INPP4B: variants seen among roughly 807,000 people sequenced by gnomAD.
INPP4B encodes inositol polyphosphate 4-phosphatase type II.
INPP4B carries 55 observed loss-of-function variants against 122.5 expected under a neutral mutation model. The observed-to-expected ratio is 0.45, with a 90% confidence interval of 0.36 to 0.56. The LOEUF (loss-of-function observed/expected upper bound fraction) is 0.56, where lower values mean the gene tolerates loss of function less well. Ranked by LOEUF, INPP4B falls within the 20% of genes least tolerant of loss-of-function variation. The probability of loss-of-function intolerance (pLI) is 0.00; values close to 1 mark genes in which losing one functional copy is unlikely to be tolerated. For synonymous variants in INPP4B, 403 were observed against 388.7 expected (o/e 1.04, Z -0.43); for missense variants, 1,000 against 1,097.7 (o/e 0.91, Z 1.26).
chr4:142,548,598 A>G (rs1332206048), intron 2 of INPP4B, among the ~76,000 whole-genome samples: 3 of 152,132 alleles, frequency 2.0e-5, no homozygotes, highest in Non-Finnish European at 4.4e-5. Context: ...ACACCTCAGT[A>G]TGAAACAGTC....
At chr4:142,705,274 T>G (rs1762322564) in intron 2 of INPP4B, among the ~76,000 whole-genome samples, 1 of 152,180 alleles carries the variant, frequency 6.6e-6, no homozygotes, top group Non-Finnish European at 1.5e-5. Context: ...CTGGACAGCT[T>G]CTACAGACAC....
intron 25 of INPP4B, among the ~76,000 whole-genome samples, chr4:142,065,407 C>T (rs1763014269): frequency 6.6e-6 from 1 of 152,078 alleles, no homozygotes; most frequent in South Asian, 2.1e-4. Context: ...ACACATCGCC[C>T]CACCCCAGAC....
chr4:142,583,026 T>C (rs1213840975), intron 2 of INPP4B, among the ~76,000 whole-genome samples: 2 of 152,116 alleles, frequency 1.3e-5, no homozygotes, highest in African/African-American at 4.8e-5. Context: ...GAGTCTCACC[T>C]TTACTAGTTT....
At chr4:142,367,873 T>C (rs1788173061) in intron 7 of INPP4B, among the ~76,000 whole-genome samples, 1 of 152,156 alleles carries the variant, frequency 6.6e-6, no homozygotes, top group South Asian at 2.1e-4. Context: ...TCCTTATGAA[T>C]TTAATCTTGG....
chr4:142,061,523 T>C (rs1340533592), intron 25 of INPP4B, among the ~76,000 whole-genome samples: 1 of 152,158 alleles, frequency 6.6e-6, no homozygotes, highest in Non-Finnish European at 1.5e-5. Context: ...GCAAAGTATA[T>C]AGTCTGACAT....
intron 12 of INPP4B, among the ~76,000 whole-genome samples, chr4:142,225,501 C>T (rs1424416946): frequency 2.0e-5 from 3 of 149,234 alleles, no homozygotes; most frequent in Non-Finnish European, 4.4e-5. Flanking sequence ...CTCTAGAGAA[C>T]CCTAATATAC....
rs202163713 is a variant in INPP4B, at chr4:142,732,278, C to T, written c.-253-6377G>A. On this transcript the variant is annotated intron_variant, in intron 1 of 25. Transcript: ENST00000262992. ...CTACTCACATGCTGATGAACTATCC[C>T]ACACTCTCATCTATAATCCAGCTTT... Among the ~76,000 whole-genome samples, 5 of 152,166 alleles carry T rather than the reference C, an allele frequency of 3.3e-5. No individual in the cohort carries two copies. The East Asian group carries it at 9.6e-4, about 29-fold the overall frequency.
rs563465109 is a variant in INPP4B, at chr4:142,127,856, C to T, written c.1721-3096G>A. 9.1e-4 allele frequency among the ~76,000 whole-genome samples: 138 copies of T among 152,116 alleles called. 1 individual carries two copies. The South Asian group carries it at 0.027, about 30-fold the overall frequency. On this transcript the variant is annotated intron_variant, in intron 18 of 25. Coordinates refer to ENST00000262992, the MANE Select transcript of INPP4B (RefSeq NM_001101669.3). ...CTGGAAAATTCCAATGCCAATGACT[C>T]CAGGTTTTCTTCTCTGTTAATATGC...
At chr4:142,206,504 G>T (rs1842653005) in intron 14 of INPP4B, among the ~76,000 whole-genome samples, 1 of 151,484 alleles carries the variant, frequency 6.6e-6, no homozygotes, top group African/African-American at 2.4e-5. Context: ...TCAGCTGGTG[G>T]TATATATATA....
intron 2 of INPP4B, among the ~76,000 whole-genome samples, chr4:142,480,225 T>C (rs1201241216): frequency 5.3e-5 from 8 of 152,238 alleles, no homozygotes; most frequent in Admixed American, 2.6e-4. Flanking sequence ...GTATATGTTA[T>C]GGTAAATTCT....
chr4:142,145,747 C>A, intron 18 of INPP4B, 93 bp downstream of exon 18: 1 of 1,243,410 alleles, frequency 8.0e-7, no homozygotes, highest in African/African-American at 1.5e-5. Flanking sequence ...ATCAAAGATA[C>A]TATTGACTCC....
chr4:142,146,183 A>C (rs1270309805), intron 17 of INPP4B, among the ~76,000 whole-genome samples, 187 bp from the exon 18 acceptor site: 1 of 152,204 alleles, frequency 6.6e-6, no homozygotes, highest in African/African-American at 2.4e-5. Flanking sequence ...TTAATGAAGC[A>C]AAAATGAAGT....
chr4:142,736,334 C>G (rs34241470), intron 1 of INPP4B, among the ~76,000 whole-genome samples: 4,068 of 151,856 alleles, frequency 0.027, 61 homozygotes, highest in South Asian at 0.05. Flanking sequence ...TTTTTTTTAC[C>G]ACTAAGTGTT....
At chr4:142,340,581 A>G (rs1778367515) in intron 7 of INPP4B, among the ~76,000 whole-genome samples, 1 of 151,904 alleles carries the variant, frequency 6.6e-6, no homozygotes, top group African/African-American at 2.4e-5. Context: ...CTAATTTTTT[A>G]AAAAATTGTT....
chr4:142,516,073 A>G (rs1825381149), intron 2 of INPP4B, among the ~76,000 whole-genome samples: 1 of 152,166 alleles, frequency 6.6e-6, no homozygotes. Context: ...GGGGCAATCC[A>G]GTCAGTCAAC....
At chr4:142,382,177 C>T (rs1273668016) in intron 7 of INPP4B, among the ~76,000 whole-genome samples, 1 of 152,050 alleles carries the variant, frequency 6.6e-6, no homozygotes, top group Non-Finnish European at 1.5e-5. Flanking sequence ...AATGTATTCC[C>T]ATCTGTAAAG....
chr4:142,302,799 T>TA (rs969588076), intron 9 of INPP4B, among the ~76,000 whole-genome samples: 12 of 151,702 alleles, frequency 7.9e-5, no homozygotes, highest in African/African-American at 2.9e-4. Flanking sequence ...ATAATTGAGA[T>TA]AAAAAAGAAG....
intron 2 of INPP4B, among the ~76,000 whole-genome samples, chr4:142,724,485 C>G (rs1247536219): frequency 6.6e-6 from 1 of 152,148 alleles, no homozygotes; most frequent in Non-Finnish European, 1.5e-5. Flanking sequence ...GCCTACATCA[C>G]ACAGCTCAGC....
chr4:142,658,708 C>T (rs1030509038), intron 2 of INPP4B, among the ~76,000 whole-genome samples: 5 of 152,186 alleles, frequency 3.3e-5, no homozygotes, highest in South Asian at 2.1e-4. Flanking sequence ...GAAGGGTATG[C>T]TTCCCTTTAA....
Sources: gnomAD v4.1 joint callset for allele counts (sites outside exome capture counted in the v4.1 genomes callset) on GRCh38, gnomAD v4.1.1 for gene constraint, MANE v1.5 for transcripts, NCBI Gene and HGNC (gene_info 2026-07-23, HGNC 2026-07-21) for gene names.